The following PANK1 variants were observed in gnomAD, a reference collection of about 807,000 sequenced individuals.
PANK1 encodes the protein pantothenate kinase 1, also known as pantothenic acid kinase 1.
Under a neutral mutation model 40.1 loss-of-function variants are expected in PANK1, and 18 were observed. The observed-to-expected ratio is 0.45, with a 90% CI of 0.31 to 0.67. The LOEUF (loss-of-function observed/expected upper bound fraction) is 0.67, where lower values mean the gene tolerates loss of function less well. Among genes scored for constraint, PANK1 ranks in the 30% least tolerant of loss-of-function variants. PANK1 has a pLI of 0.06. For missense variants in PANK1, 457 were observed against 599.6 expected (o/e 0.76, Z 2.48); for synonymous variants, 242 against 237.7 (o/e 1.02, Z -0.17).
intron 4 of PANK1, 36 bp from the exon 5 acceptor site, chr10:89,593,356 G>A (rs371484112): frequency 2.4e-5 from 38 of 1,605,498 alleles, no homozygotes; most frequent in South Asian, 3.3e-5. Context: ...GTTCAAAATC[G>A]TCCTCAGGCA....
chr10:89,628,196 G>A (rs189859597), intron 1 of PANK1, among the ~76,000 whole-genome samples: 2 of 152,188 alleles, frequency 1.3e-5, no homozygotes, highest in African/African-American at 4.8e-5. Flanking sequence ...CAAGAGAAGT[G>A]AAAACTCATG....
chr10:89,614,271 T>C (rs1007617180), intron 1 of PANK1, among the ~76,000 whole-genome samples: 2 of 152,192 alleles, frequency 1.3e-5, no homozygotes, highest in African/African-American at 2.4e-5. Context: ...TCTATTACAA[T>C]TGAAAGTACA....
chr10:89,589,140 T>A (rs1237105732), intron 5 of PANK1, among the ~76,000 whole-genome samples: 1 of 152,186 alleles, frequency 6.6e-6, no homozygotes, highest in South Asian at 2.1e-4. Flanking sequence ...CCCCAACTTC[T>A]AGGTATAAAA....
chr10:89,607,574 T>TA (rs963441553), intron 2 of PANK1, among the ~76,000 whole-genome samples: 2 of 152,178 alleles, frequency 1.3e-5, no homozygotes, highest in Admixed American at 6.5e-5. Context: ...CTTCAATCTG[T>TA]AAAAAATGCA....
In PANK1 at chr10:89,584,245, G is replaced by C; in HGVS notation, c.*161C>G. The C allele has an allele frequency of 1.7e-6, 1 of 590,736 alleles. No individual in the cohort carries two copies. Among genetic ancestry groups the C allele is most frequent in the Non-Finnish European group, 3.1e-6 (1 of 323,272 alleles). The allele number at this position is 590,736 out of a possible 1,614,324, so 36.6% of individuals were successfully genotyped here. ...TTTGAATCATTAGCTCAAAACCTAA[G>C]AGTAAAAGATCATCTGGAAGGATTT... On this transcript the variant is annotated 3_prime_UTR_variant, in exon 7 of 7. Transcript: ENST00000307534.
intron 2 of PANK1, among the ~76,000 whole-genome samples, chr10:89,609,731 T>A (rs1235465964): frequency 1.3e-5 from 2 of 152,208 alleles, no homozygotes; most frequent in African/African-American, 4.8e-5. Context: ...CCTACTCCAG[T>A]CTATTCATTA....
chr10:89,620,682 T>C (rs1247467109), intron 1 of PANK1, among the ~76,000 whole-genome samples: 5 of 152,224 alleles, frequency 3.3e-5, no homozygotes, highest in Non-Finnish European at 7.3e-5. Context: ...TATTGCCCTT[T>C]CAAGCATGTG....
At chr10:89,622,169 A>G (rs1024502705) in intron 1 of PANK1, among the ~76,000 whole-genome samples, 2 of 152,250 alleles carry the variant, frequency 1.3e-5, no homozygotes, top group African/African-American at 4.8e-5. Context: ...CTATTTAAGG[A>G]CCTTGAAGAA....
At chr10:89,632,234 A>G (rs1202330047) in intron 1 of PANK1, among the ~76,000 whole-genome samples, 1 of 152,232 alleles carries the variant, frequency 6.6e-6, no homozygotes, top group African/African-American at 2.4e-5. Context: ...GGACAAGTGG[A>G]ACACAGTGAC....
At chr10:89,599,213 A>T in intron 3 of PANK1, 39 bp downstream of exon 3, 1 of 1,576,480 alleles carries the variant, frequency 6.3e-7, no homozygotes, top group Non-Finnish European at 8.6e-7. Flanking sequence ...GTCATCAAGA[A>T]AGAGGTCTGG....
intron 1 of PANK1, among the ~76,000 whole-genome samples, chr10:89,616,247 G>A (rs1257810619): frequency 1.3e-5 from 2 of 152,140 alleles, no homozygotes; most frequent in Admixed American, 1.3e-4. Flanking sequence ...TAAAATGGCT[G>A]TACATCCATC....
chr10:89,593,704 A>T lies in PANK1; in HGVS notation c.1076+109T>A, dbSNP rs2296615. 8 of 788,836 alleles carry T rather than the reference A, an allele frequency of 1.0e-5. No individual in the cohort carries two copies. The Admixed American group carries it at 1.5e-4, about 15-fold the overall frequency. 48.9% of individuals were successfully genotyped at this position (788,836 alleles called of 1,614,324 possible). ...AAGTCTGAGCTCTGATACAACAGGT[A>T]TCTGCACCAGGCTGGTGGACTGACA... is the stretch of plus-strand genomic sequence containing the variant. On this transcript the variant is annotated intron_variant, in intron 4 of 6. Transcript: ENST00000307534.
downstream of PANK1, chr10:89,581,466 T>A (rs909104860): frequency 3.9e-5 from 6 of 152,234 alleles, no homozygotes; most frequent in Non-Finnish European, 7.3e-5. Flanking sequence ...TCTCCCAGGC[T>A]GGAGTGCATT....
At chr10:89,592,964 G>C (rs1844446059) in intron 5 of PANK1, 1 of 557,330 alleles carries the variant, frequency 1.8e-6, no homozygotes, top group African/African-American at 1.9e-5. Flanking sequence ...ATTGTATCCT[G>C]TTTCCACAGG....
At chr10:89,592,666 A>G in intron 5 of PANK1, 1 of 516,756 alleles carries the variant, frequency 1.9e-6, no homozygotes, top group Non-Finnish European at 4.0e-6. Context: ...GCTTCAAAAC[A>G]TGTTAATACA....
rs149766719 is a variant in PANK1 at position 89,585,868 on chromosome 10, G to A, written c.1327-1403C>T. Among the ~76,000 whole-genome samples, 1,048 of 152,258 alleles carry A rather than the reference G, an allele frequency of 6.9e-3. 10 individuals carry two copies. Among genetic ancestry groups the A allele is most frequent in the African/African-American group, 0.024 (1,010 of 41,532 alleles). On this transcript the variant is annotated intron_variant, in intron 6 of 6. Transcript: ENST00000307534. ...CATAATATTCTCTAGTAAGGCCCGCGTAAGCCAGAGGGAATTTAAGAATGT... is the reference window on the plus strand; with the variant it reads ...CATAATATTCTCTAGTAAGGCCCGCATAAGCCAGAGGGAATTTAAGAATGT...
chr10:89,588,134 C>T (rs143419887), intron 6 of PANK1, among the ~76,000 whole-genome samples: 11 of 152,114 alleles, frequency 7.2e-5, no homozygotes, highest in Admixed American at 2.0e-4. Context: ...CATGTTGTTG[C>T]ATATTACAGA....
At chr10:89,590,581 A>T (rs1363352917) in intron 5 of PANK1, among the ~76,000 whole-genome samples, 1 of 152,170 alleles carries the variant, frequency 6.6e-6, no homozygotes, top group African/African-American at 2.4e-5. Context: ...TGTAGGCAAA[A>T]TAATATACAT....
intron 1 of PANK1, among the ~76,000 whole-genome samples, chr10:89,623,772 G>C (rs1283990599): frequency 2.0e-5 from 3 of 151,976 alleles, no homozygotes; most frequent in Non-Finnish European, 2.9e-5. Context: ...AAAATCCACT[G>C]AACGCAAGCC....
Sources: allele counts gnomAD v4.1 joint callset (sites outside exome capture counted in the v4.1 genomes callset), GRCh38; gene constraint gnomAD v4.1.1; transcripts MANE v1.5; gene names NCBI Gene and HGNC (gene_info 2026-07-23, HGNC 2026-07-21).